CDH18: variants seen among roughly 807,000 people sequenced by gnomAD.
The protein encoded by CDH18 is cadherin-18.
In CDH18, 31 loss-of-function variants were observed where a neutral mutation model predicts 67.9. The observed-to-expected ratio is 0.46, with a 90% CI of 0.34 to 0.62. The LOEUF is 0.62. Ranked by LOEUF, CDH18 falls within the 20% of genes least tolerant of loss-of-function variation. The pLI is 0.01. For missense variants in CDH18, 890 were observed against 975.5 expected (o/e 0.91, Z 1.17); for synonymous variants, 362 against 347.2 (o/e 1.04, Z -0.48).
chr5:20,232,303 G>C (rs554765007), intron 2 of CDH18, among the ~76,000 whole-genome samples: 1 of 152,050 alleles, frequency 6.6e-6, no homozygotes, highest in South Asian at 2.1e-4. Flanking sequence ...ATTACCTTAT[G>C]AACTTAAATC....
intron 2 of CDH18, among the ~76,000 whole-genome samples, chr5:19,884,361 C>T (rs1037510428): frequency 6.6e-6 from 1 of 152,034 alleles, no homozygotes; most frequent in African/African-American, 2.4e-5. Flanking sequence ...GAGAACTAAA[C>T]AGTCCTGAAA....
At chr5:19,645,170 T>C (rs184707082) in intron 5 of CDH18, among the ~76,000 whole-genome samples, 2 of 152,334 alleles carry the variant, frequency 1.3e-5, no homozygotes, top group Admixed American at 6.5e-5. Context: ...CTGTAACTAA[T>C]GGGTTTTATG....
chr5:19,612,949 A>C (rs1337303768), intron 5 of CDH18, among the ~76,000 whole-genome samples: 1 of 151,924 alleles, frequency 6.6e-6, no homozygotes, highest in South Asian at 2.1e-4. Flanking sequence ...GACCAGCTTG[A>C]CCAGTATGGT....
intron 2 of CDH18, among the ~76,000 whole-genome samples, chr5:20,184,210 T>C (rs1039981424): frequency 6.6e-6 from 1 of 152,086 alleles, no homozygotes; most frequent in Non-Finnish European, 1.5e-5. Flanking sequence ...TTAATAAATA[T>C]ATTTTAAGGC....
At chr5:20,249,744 A>G (rs1218909568) in intron 2 of CDH18, among the ~76,000 whole-genome samples, 2 of 152,182 alleles carry the variant, frequency 1.3e-5, no homozygotes, top group South Asian at 2.1e-4. Flanking sequence ...TTTGAATTCT[A>G]TTGTAAAGAC....
intron 5 of CDH18, among the ~76,000 whole-genome samples, chr5:19,680,658 G>GA (rs1007227792): frequency 5.9e-5 from 9 of 151,900 alleles, no homozygotes; most frequent in South Asian, 2.1e-4. Flanking sequence ...ACAAGCATAT[G>GA]AAAAAAATAC....
chr5:19,961,375 A>G (rs112412324), intron 2 of CDH18, among the ~76,000 whole-genome samples: 18,767 of 151,862 alleles, frequency 0.12, 3,347 homozygotes, highest in African/African-American at 0.39. Flanking sequence ...CCAAACCGCA[A>G]GGATTACAGG....
rs200942294 is a variant in CDH18 at position 19,721,404 on chromosome 5, G to A, written c.586C>T (p.Arg196Trp). The A allele has an allele frequency of 1.1e-5, 18 of 1,610,422 alleles. No homozygotes were observed. The highest frequency in any genetic ancestry group is 9.9e-5 in the South Asian group (9 of 90,802). Residue 196 changes from arginine (R) to tryptophan (W), a missense_variant, in exon 5 of 13, where the codon CGG (arginine) becomes TGG (tryptophan). Coordinates refer to ENST00000382275, the MANE Select transcript of CDH18 (RefSeq NM_004934.5). ...CCTTGGAGAATGCTGTAAACCACCC[G>A]AGCGCTGTTTCCATAGGTAGGGTCA... ...ADDPTYGNSA[R>W]VVYSILQGQP...
At chr5:19,929,021 G>A (rs1793396615) in intron 2 of CDH18, among the ~76,000 whole-genome samples, 1 of 151,924 alleles carries the variant, frequency 6.6e-6, no homozygotes, top group African/African-American at 2.4e-5. Flanking sequence ...TTACATCATG[G>A]GAGTGAAGCT....
chr5:20,531,909 TTTAA>T (rs1756423875), intron 1 of CDH18, among the ~76,000 whole-genome samples: 1 of 152,046 alleles, frequency 6.6e-6, no homozygotes, highest in Non-Finnish European at 1.5e-5. Context: ...TAAAATTTAA[TTTAA>T]TTAAGAAAAG....
intron 5 of CDH18, among the ~76,000 whole-genome samples, chr5:19,656,263 C>G (rs887328746): frequency 6.6e-6 from 1 of 151,964 alleles, no homozygotes; most frequent in African/African-American, 2.4e-5. Flanking sequence ...ACCATATCTT[C>G]TAAAGTCTAG....
chr5:20,345,262 G>C, intron 1 of CDH18, among the ~76,000 whole-genome samples: 1 of 104,980 alleles, frequency 9.5e-6, no homozygotes, highest in South Asian at 3.5e-4. Context: ...GTATATTGGG[G>C]TATATTGGGG....
chr5:20,526,517 A>G (rs1363584807), intron 1 of CDH18, among the ~76,000 whole-genome samples: 1 of 152,060 alleles, frequency 6.6e-6, no homozygotes, highest in Non-Finnish European at 1.5e-5. Flanking sequence ...TCTGGCTGGC[A>G]CTAGGTCAGT....
chr5:19,734,616 G>A (rs1053763070), intron 4 of CDH18, among the ~76,000 whole-genome samples: 11 of 152,048 alleles, frequency 7.2e-5, no homozygotes, highest in Admixed American at 3.9e-4. Flanking sequence ...AAGTTGTCCA[G>A]GTGTCTTGTA....
chr5:19,790,105 T>C (rs539680638), intron 3 of CDH18, among the ~76,000 whole-genome samples: 1 of 152,146 alleles, frequency 6.6e-6, no homozygotes, highest in East Asian at 1.9e-4. Context: ...TATATTTGGT[T>C]TCGACTATTT....
At chr5:19,532,163 T>G (rs1015261035) in intron 9 of CDH18, among the ~76,000 whole-genome samples, 5 of 152,208 alleles carry the variant, frequency 3.3e-5, no homozygotes, top group Non-Finnish European at 5.9e-5. Flanking sequence ...GGGTCTTTTT[T>G]TTTAAATGTT....
chr5:20,446,009 T>C (rs144935340), intron 1 of CDH18, among the ~76,000 whole-genome samples: 2 of 152,126 alleles, frequency 1.3e-5, no homozygotes, highest in African/African-American at 4.8e-5. Context: ...GATGATGTTA[T>C]TTGATTGAAG....
At chr5:19,531,628 C>T (rs1398083765) in intron 9 of CDH18, among the ~76,000 whole-genome samples, 1 of 151,986 alleles carries the variant, frequency 6.6e-6, no homozygotes, top group Non-Finnish European at 1.5e-5. Flanking sequence ...CACACACACA[C>T]ACACACACAC....
At chr5:19,618,040 C>T (rs1452657948) in intron 5 of CDH18, among the ~76,000 whole-genome samples, 2 of 152,078 alleles carry the variant, frequency 1.3e-5, no homozygotes, top group Admixed American at 6.6e-5. Context: ...TTAGATAATA[C>T]CACAGAAGAC....
Sources: allele counts gnomAD v4.1 joint callset (sites outside exome capture counted in the v4.1 genomes callset), GRCh38; gene constraint gnomAD v4.1.1; transcripts MANE v1.5; gene names NCBI Gene and HGNC (gene_info 2026-07-23, HGNC 2026-07-21).